Variants in CACNA2D4 observed in about 807,000 individuals in gnomAD.
CACNA2D4 encodes calcium voltage-gated channel auxiliary subunit alpha2delta 4, also known as voltage-dependent calcium channel subunit alpha-2/delta-4.
In CACNA2D4, 157 loss-of-function variants were observed where a neutral mutation model predicts 163.8. The ratio of observed to expected loss-of-function variants is 0.96; its 90% confidence interval spans 0.84 to 1.09. The LOEUF is 1.09. Ranked by LOEUF, CACNA2D4 falls within the 50% of genes least tolerant of loss-of-function variation. The probability of loss-of-function intolerance (pLI) is 0.00; values close to 1 mark genes in which losing one functional copy is unlikely to be tolerated. For synonymous variants in CACNA2D4, 598 were observed against 586.9 expected, an observed-to-expected ratio of 1.02 and a Z score of -0.27; for missense variants, 1,410 against 1,479.9, an observed-to-expected ratio of 0.95 and a Z score of 0.78.
Position 1,918,416 on chromosome 12 carries a change from C to A in CACNA2D4, c.58G>T (p.Ala20Ser). 1 of 1,595,994 alleles carries A rather than the reference C, an allele frequency of 6.3e-7. No individual in the cohort carries two copies. The highest frequency in any genetic ancestry group is 8.5e-7 in the Non-Finnish European group (1 of 1,171,624). The change falls in exon 1 of 38, where the codon GCA (alanine) becomes TCA (serine). Residue 20 changes from alanine (A) to serine (S), a missense_variant. Transcript: ENST00000382722. ...GGGTTTGCGAGGAAGTTGGGAGTTG[C>A]AGGCATGGTGGGCCTGGGGTTGGGG... is the stretch of plus-strand genomic sequence containing the variant. ...PLPNPRPTMP[A>S]TPNFLANPSS...
chr12:1,907,112 TAA>T (rs2154452029), intron 6 of CACNA2D4, among the ~76,000 whole-genome samples: 1 of 152,390 alleles, frequency 6.6e-6, no homozygotes, highest in East Asian at 1.9e-4. Context: ...AATTGGGACA[TAA>T]AGTCCTTAAG....
intron 4 of CACNA2D4, among the ~76,000 whole-genome samples, chr12:1,908,735 G>T (rs1275142914): frequency 7.8e-6 from 1 of 128,512 alleles, no homozygotes; most frequent in Non-Finnish European, 1.6e-5. Context: ...CTGCGTCACG[G>T]ACATCCCCAC....
intron 18 of CACNA2D4, among the ~76,000 whole-genome samples, chr12:1,865,740 G>A (rs1313304995): frequency 2.0e-5 from 3 of 152,184 alleles, no homozygotes; most frequent in Non-Finnish European, 4.4e-5. Context: ...GGTGTGTGGG[G>A]AACCGGGGCG....
rs1460196471 is a variant in CACNA2D4 at position 1,874,098 on chromosome 12, T to G, written c.1878+506A>C. Among the ~76,000 whole-genome samples the G allele has an allele frequency of 2.0e-5, 3 of 152,178 alleles. No homozygotes were observed. Among genetic ancestry groups the G allele is most frequent in the African/African-American group, 7.2e-5 (3 of 41,446 alleles). The stretch of plus-strand genomic sequence containing the variant: ...TTAAGTGAGAAGATGAAATGATCTT[T>G]TATAAACGATGCACATGGTTGTAAA... On this transcript the variant is annotated intron_variant, in intron 18 of 37. Transcript: ENST00000382722. This position sits in a 1 kb window ranked among gnomAD's most constrained non-coding sequence, Gnocchi z 4.4.
intron 6 of CACNA2D4, among the ~76,000 whole-genome samples, chr12:1,894,609 T>C (rs940017960): frequency 1.3e-5 from 1 of 78,404 alleles, no homozygotes; most frequent in Non-Finnish European, 2.4e-5. Flanking sequence ...AAAAGTAATA[T>C]ATGACATCAA....
At chr12:1,823,530 T>G (rs1864195659) in intron 26 of CACNA2D4, among the ~76,000 whole-genome samples, 1 of 152,048 alleles carries the variant, frequency 6.6e-6, no homozygotes, top group Non-Finnish European at 1.5e-5. Flanking sequence ...TGGAACCCCC[T>G]GCTCCTACTG....
intron 1 of CACNA2D4, among the ~76,000 whole-genome samples, chr12:1,916,357 A>G (rs1441939626): frequency 6.6e-6 from 1 of 152,228 alleles, no homozygotes; most frequent in Non-Finnish European, 1.5e-5. Context: ...CTTGAAAGAC[A>G]CAAATCTGAA....
rs778712578 is a variant in CACNA2D4, at chr12:1,834,379, T to C, written c.2551+6360A>G. 6.2e-7 allele frequency: 1 copy of C among 1,613,208 alleles called. No individual in the cohort carries two copies. The highest frequency in any genetic ancestry group is 8.5e-7 in the Non-Finnish European group (1 of 1,180,014). On this transcript the variant is annotated intron_variant, in intron 26 of 37. Transcript: ENST00000382722. This position sits in a 1 kb window ranked among gnomAD's most constrained non-coding sequence, Gnocchi z 7.6. ...ACTGCTCCCAGCTGGAGGACGAGAA[T>C]AGCTCAGCTGGGCTGGATATTCCTG...
chr12:1,824,294 T>G (rs1272040553), intron 26 of CACNA2D4, among the ~76,000 whole-genome samples: 1 of 152,174 alleles, frequency 6.6e-6, no homozygotes, highest in Non-Finnish European at 1.5e-5. Flanking sequence ...TCTGACTCAG[T>G]CATTCTGGAT....
At chr12:1,810,477 T>C (rs1863669782) in intron 28 of CACNA2D4, 66 bp downstream of exon 28, 3 of 1,528,660 alleles carry the variant, frequency 2.0e-6, no homozygotes, top group African/African-American at 1.4e-5. Context: ...GAAGCTGGCC[T>C]GCCAGGAGGA....
At chr12:1,855,892 A>G (rs1421415791) in intron 22 of CACNA2D4, 120 bp downstream of exon 22, 1 of 707,186 alleles carries the variant, frequency 1.4e-6, no homozygotes, top group Non-Finnish European at 2.5e-6. Context: ...TAAGCCATCC[A>G]TGTGCTAATG....
chr12:1,811,784 G>C, intron 26 of CACNA2D4, 61 bp from the exon 27 acceptor site: 1 of 1,504,784 alleles, frequency 6.6e-7, no homozygotes, highest in Non-Finnish European at 9.1e-7. Context: ...AAAAAATAGA[G>C]TCAAGTTAAA....
chr12:1,841,229 T>G lies in CACNA2D4; in HGVS notation c.2471-410A>C, dbSNP rs117856415. Among the ~76,000 whole-genome samples, 491 of 152,234 alleles carry G rather than the reference T, an allele frequency of 3.2e-3. 5 individuals carry two copies. Among genetic ancestry groups the G allele is most frequent in the Non-Finnish European group, 3.8e-3 (261 of 68,016 alleles). Reference sequence around the variant, plus strand: ...ATTGCTCTCTGTGAGTCTGCGTGAGTCAGGGAGGACGCCGACAGTCAGTCC... The same window carrying G: ...ATTGCTCTCTGTGAGTCTGCGTGAGGCAGGGAGGACGCCGACAGTCAGTCC... On this transcript the variant is annotated intron_variant, in intron 25 of 37. Transcript: ENST00000382722.
intron 23 of CACNA2D4, among the ~76,000 whole-genome samples, chr12:1,847,774 C>T (rs7973437): frequency 0.014 from 2,137 of 152,260 alleles, 66 homozygotes; most frequent in African/African-American, 0.047. Context: ...CAGCCACTGC[C>T]TCCTCCAGCC....
At chr12:1,811,352 G>A (rs1863701849) in intron 27 of CACNA2D4, among the ~76,000 whole-genome samples, 1 of 152,240 alleles carries the variant, frequency 6.6e-6, no homozygotes, top group Non-Finnish European at 1.5e-5. Context: ...ATCAGGGCCT[G>A]GACCCCGGAC....
intron 6 of CACNA2D4, 71 bp from the exon 7 acceptor site, chr12:1,887,140 C>T: frequency 9.3e-7 from 1 of 1,076,258 alleles, no homozygotes; most frequent in Admixed American, 2.0e-5. Flanking sequence ...TGGGTGTGGA[C>T]CCCCAAGATG....
chr12:1,908,994 C>T (rs117500016), intron 4 of CACNA2D4, among the ~76,000 whole-genome samples: 13,360 of 151,146 alleles, frequency 0.088, 915 homozygotes, highest in Non-Finnish European at 0.12. Context: ...CTCCCAGCCG[C>T]GTCCCTGCCC....
rs962407240 is a variant in CACNA2D4 at position 1,810,479 on chromosome 12, C to T, written c.2658+64G>A. On this transcript the variant is annotated intron_variant, in intron 28 of 37. Transcript: ENST00000382722. Reference sequence around the variant, plus strand: ...CATTTGGGAGAGGGAAGCTGGCCTGCCAGGAGGACCGGGCGGAGGGCCATG... The same window carrying T: ...CATTTGGGAGAGGGAAGCTGGCCTGTCAGGAGGACCGGGCGGAGGGCCATG... 7 of 1,535,532 alleles carry T rather than the reference C, an allele frequency of 4.6e-6. No homozygotes were observed. In the African/African-American group the frequency reaches 9.6e-5, roughly 21 times the overall value.
intron 24 of CACNA2D4, 109 bp downstream of exon 24, chr12:1,846,485 A>G: frequency 1.2e-6 from 1 of 864,770 alleles, no homozygotes; most frequent in Non-Finnish European, 1.8e-6. Flanking sequence ...GGGGTCCAGC[A>G]TGCTGGAGAC....
Sources: allele counts gnomAD v4.1 joint callset (sites outside exome capture counted in the v4.1 genomes callset), GRCh38; gene constraint gnomAD v4.1.1; non-coding constraint Gnocchi (gnomAD v3.1); transcripts MANE v1.5; gene names NCBI Gene and HGNC (gene_info 2026-07-23, HGNC 2026-07-21).